Variants in CREB5 observed in about 807,000 individuals in gnomAD.
The protein encoded by CREB5 is cAMP responsive element binding protein 5, also known as cyclic AMP-responsive element-binding protein 5.
CREB5 carries 19 observed loss-of-function variants against 57.1 expected under a neutral mutation model. The ratio of observed to expected loss-of-function variants is 0.33; its 90% CI spans 0.23 to 0.49. The LOEUF (loss-of-function observed/expected upper bound fraction) is 0.49. Among genes scored for constraint, CREB5 ranks in the 20% least tolerant of loss-of-function variants. The pLI is 0.99. For synonymous variants in CREB5, 238 were observed against 238.3 expected (o/e 1.00, Z 0.01); for missense variants, 579 against 671.6 (o/e 0.86, Z 1.52).
intron 1 of CREB5, among the ~76,000 whole-genome samples, chr7:28,365,417 C>T (rs942606029): frequency 1.3e-5 from 2 of 152,048 alleles, no homozygotes; most frequent in African/African-American, 4.8e-5. Flanking sequence ...TATCACCTTT[C>T]CTCCCGGAAT....
upstream of CREB5, chr7:28,410,437 T>G (rs942626737): frequency 2.2e-6 from 1 of 456,678 alleles, no homozygotes; most frequent in Non-Finnish European, 4.4e-6. Context: ...TTTCACGAAG[T>G]TCTTAGAGGG....
chr7:28,759,851 T>C (rs1238516633), intron 7 of CREB5, among the ~76,000 whole-genome samples: 1 of 152,240 alleles, frequency 6.6e-6, no homozygotes, highest in African/African-American at 2.4e-5. Context: ...CAGGTTTATG[T>C]TTGTCTGTGG....
chr7:28,804,591 G>C (rs1406931665), intron 8 of CREB5, 69 bp downstream of exon 8: 5 of 1,544,196 alleles, frequency 3.2e-6, no homozygotes, highest in Non-Finnish European at 4.4e-6. Context: ...CTAATGCTGG[G>C]GTCATTTGCA....
chr7:28,696,952 G>A (rs533991563), intron 5 of CREB5, among the ~76,000 whole-genome samples: 1 of 151,282 alleles, frequency 6.6e-6, no homozygotes, highest in Admixed American at 6.6e-5. Context: ...GTGTGTATAT[G>A]TGTTATACAC....
rs549071938 is a variant in CREB5 at position 28,730,942 on chromosome 7, G to T, written c.702+6610G>T. Among the ~76,000 whole-genome samples, 30 of 152,258 alleles carry T rather than the reference G, an allele frequency of 2.0e-4. 2 individuals carry two copies. The highest frequency in any genetic ancestry group is 3.4e-3 in the Middle Eastern group (1 of 294). On this transcript the variant is annotated intron_variant, in intron 7 of 10. Coordinates refer to ENST00000357727, the MANE Select transcript of CREB5 (RefSeq NM_182898.4). ...GCCTTTATAAAAATAAAGCTCAGTT[G>T]TATAAAGTAAGATTAGGCTCAAATT...
intron 5 of CREB5, among the ~76,000 whole-genome samples, chr7:28,590,194 C>T (rs1051721087): frequency 4.0e-5 from 6 of 151,862 alleles, no homozygotes; most frequent in African/African-American, 1.2e-4. Context: ...ACCCAAAGGA[C>T]TATAAATCAT....
intron 9 of CREB5, among the ~76,000 whole-genome samples, chr7:28,809,885 T>C (rs2074740): frequency 0.036 from 5,509 of 152,290 alleles, 197 homozygotes; most frequent in South Asian, 0.092. Flanking sequence ...TCATTAATTA[T>C]ATTCACTAGG....
At chr7:28,756,489 G>T (rs1805310951) in intron 7 of CREB5, among the ~76,000 whole-genome samples, 1 of 151,762 alleles carries the variant, frequency 6.6e-6, no homozygotes, top group Non-Finnish European at 1.5e-5. Flanking sequence ...CTGGGAGGCG[G>T]AGGTTGCAGT....
intron 1 of CREB5, among the ~76,000 whole-genome samples, chr7:28,424,994 A>T (rs1433766774): frequency 1.3e-5 from 2 of 152,216 alleles, no homozygotes; most frequent in African/African-American, 4.8e-5. Context: ...TCTTAAAAAA[A>T]TTTTTATTTT....
intron 1 of CREB5, among the ~76,000 whole-genome samples, chr7:28,331,790 A>C (rs1785721640): frequency 6.7e-6 from 1 of 149,990 alleles, no homozygotes; most frequent in South Asian, 2.1e-4. Context: ...TGGAGGTTGC[A>C]GTCAGGCGAG....
In CREB5 at chr7:28,557,025, G is replaced by GTTT. The variant is rs1554343347; in HGVS notation, c.292-13340_292-13339insTTT. Reference sequence around the variant, plus strand: ...CCTTCTCTTACTCTTGTAGGCCTAGGGATACTAACAGCTCCCTGCTGAAAC... The same window carrying GTTT: ...CCTTCTCTTACTCTTGTAGGCCTAGGTTTGATACTAACAGCTCCCTGCTGAAAC... On this transcript the variant is annotated intron_variant, in intron 4 of 10. Coordinates refer to ENST00000357727, the MANE Select transcript of CREB5 (RefSeq NM_182898.4). 1.2e-4 allele frequency among the ~76,000 whole-genome samples: 18 copies of GTTT among 144,978 alleles called. 2 individuals are homozygous for GTTT. Among genetic ancestry groups the GTTT allele is most frequent in the South Asian group, 2.1e-4 (1 of 4,720 alleles).
At chr7:28,485,826 T>C (rs924583707) in intron 1 of CREB5, among the ~76,000 whole-genome samples, 4 of 151,902 alleles carry the variant, frequency 2.6e-5, no homozygotes, top group Non-Finnish European at 5.9e-5. Context: ...TTTCTCAGCT[T>C]TAAAGTCACC....
rs1380715635 is a variant in CREB5, at chr7:28,822,654, TAAC to T, written c.*3379_*3381del. On this transcript the variant is annotated 3_prime_UTR_variant, in exon 11 of 11. Coordinates refer to ENST00000357727, the MANE Select transcript of CREB5 (RefSeq NM_182898.4). ...CTCCCCTGCCTTATGTGATGGGAGT[TAAC>T]AACTCAGATAAGTACACCTGAGAGC... The T allele has an allele frequency of 1.3e-5, 2 of 152,648 alleles. No individual in the cohort carries two copies. The highest frequency in any genetic ancestry group is 4.8e-5 in the African/African-American group (2 of 41,458). 9.5% of individuals were successfully genotyped at this position (152,648 alleles called of 1,614,324 possible).
chr7:28,594,853 GTTAATTCTTCCTCCTCC>G, intron 5 of CREB5, among the ~76,000 whole-genome samples: 1 of 152,216 alleles, frequency 6.6e-6, no homozygotes, highest in African/African-American at 2.4e-5. Context: ...GGAGTTTTTA[GTTAATTCTTCCTCCTCC>G]TTCTGTTTTC....
chr7:28,400,352 T>C (rs1394418427), intron 1 of CREB5, among the ~76,000 whole-genome samples: 1 of 152,234 alleles, frequency 6.6e-6, no homozygotes, highest in Non-Finnish European at 1.5e-5. Flanking sequence ...TTAAACATGA[T>C]GGAAGATATA....
intron 7 of CREB5, among the ~76,000 whole-genome samples, chr7:28,746,066 A>G (rs1322263438): frequency 6.6e-6 from 1 of 152,228 alleles, no homozygotes; most frequent in Non-Finnish European, 1.5e-5. Flanking sequence ...GGGGAAAATC[A>G]AAGCCACCTC....
intron 9 of CREB5, among the ~76,000 whole-genome samples, chr7:28,816,528 GAGATGAGATTTGT>G (rs1198934091): frequency 6.6e-6 from 1 of 152,040 alleles, no homozygotes; most frequent in African/African-American, 2.4e-5. Flanking sequence ...GAAAGGGAAT[GAGATGAGATTTGT>G]AGATGAGATT....
chr7:28,319,531 G>C (rs1162504182), intron 1 of CREB5, among the ~76,000 whole-genome samples: 1 of 151,684 alleles, frequency 6.6e-6, no homozygotes, highest in Non-Finnish European at 1.5e-5. Flanking sequence ...GAGTATTTGT[G>C]AAAATGCTAT....
rs182379828 is a variant in CREB5, at chr7:28,365,405, A to G, written c.-25+65964A>G. Among the ~76,000 whole-genome samples the G allele has an allele frequency of 2.4e-4, 37 of 152,170 alleles. No homozygotes were observed. The East Asian group carries it at 6.4e-3, about 26-fold the overall frequency. On this transcript the variant is annotated intron_variant, in intron 1 of 9. Transcript: ENST00000396299. ...CCACACCCTCACCTTTGCTCCCGGA[A>G]TTATCACCTTTCCTCCCGGAATTAT...
Sources: allele counts gnomAD v4.1 joint callset (sites outside exome capture counted in the v4.1 genomes callset), GRCh38; gene constraint gnomAD v4.1.1; transcripts MANE v1.5; gene names NCBI Gene and HGNC (gene_info 2026-07-23, HGNC 2026-07-21).